Variants in PHLPP2 observed in about 807,000 individuals in gnomAD.
PHLPP2 encodes the protein PH domain and leucine rich repeat protein phosphatase 2.
A neutral mutation model predicts 124.9 loss-of-function variants in PHLPP2; 66 were observed. The observed-to-expected ratio is 0.53, with a 90% CI of 0.43 to 0.65. PHLPP2 has a LOEUF of 0.65. Among genes scored for constraint, PHLPP2 ranks in the 30% least tolerant of loss-of-function variants. PHLPP2 has a pLI of 0.00. For missense variants in PHLPP2, 1,685 were observed against 1,600.4 expected, an observed-to-expected ratio of 1.05 and a Z score of -0.90; for synonymous variants, 681 against 624.7, an observed-to-expected ratio of 1.09 and a Z score of -1.34.
intron 4 of PHLPP2, among the ~76,000 whole-genome samples, chr16:71,689,385 C>CTTTTTTT (rs57755507): frequency 1.6e-5 from 1 of 62,526 alleles, no homozygotes; most frequent in Non-Finnish European, 2.9e-5. Context: ...CTACACCTGG[C>CTTTTTTT]TTTTTTTTTT....
intron 18 of PHLPP2, among the ~76,000 whole-genome samples, chr16:71,651,326 G>A (rs1177536566): frequency 1.2e-4 from 18 of 147,518 alleles, no homozygotes; most frequent in African/African-American, 4.5e-4. Context: ...CAATAAGAAC[G>A]AAATTCTGCC....
At chr16:71,664,284 C>T (rs2044819532) in intron 12 of PHLPP2, 185 bp from the exon 13 acceptor site, 1 of 600,834 alleles carries the variant, frequency 1.7e-6, no homozygotes, top group South Asian at 2.0e-5. Context: ...TTTTACTCAA[C>T]TCATGCAAAC....
In PHLPP2 at chr16:71,709,697, G is replaced by A. The variant is rs113706607; in HGVS notation, c.284+4815C>T. On this transcript the variant is annotated intron_variant, in intron 2 of 18. Coordinates refer to ENST00000568954, the MANE Select transcript of PHLPP2 (RefSeq NM_015020.3). ...AAGACCAATCTATCACCAGCCAGCT[G>A]CAGGAATGTGCATTCAACCTGAACC... Among the ~76,000 whole-genome samples, 517 of 152,326 alleles carry A rather than the reference G, an allele frequency of 3.4e-3. 6 individuals are homozygous for A. Among genetic ancestry groups the A allele is most frequent in the African/African-American group, 0.012 (493 of 41,584 alleles).
At chr16:71,658,205 A>G in intron 15 of PHLPP2, 28 bp downstream of exon 15, 1 of 1,604,108 alleles carries the variant, frequency 6.2e-7, no homozygotes, top group Non-Finnish European at 8.5e-7. Context: ...AAGAGCACAT[A>G]GAGATTCCAT....
intron 2 of PHLPP2, among the ~76,000 whole-genome samples, chr16:71,706,725 A>C (rs1567628237): frequency 6.6e-6 from 1 of 152,172 alleles, no homozygotes; most frequent in Non-Finnish European, 1.5e-5. Flanking sequence ...CACAATTAGT[A>C]CATAATGACA....
intron 4 of PHLPP2, among the ~76,000 whole-genome samples, chr16:71,685,568 T>C (rs1413185653): frequency 1.3e-5 from 2 of 152,228 alleles, no homozygotes; most frequent in Non-Finnish European, 2.9e-5. Context: ...AAAAGATTCA[T>C]TAAAATTAAA....
chr16:71,719,241 A>C (rs895524223), intron 1 of PHLPP2, among the ~76,000 whole-genome samples: 2 of 152,202 alleles, frequency 1.3e-5, no homozygotes, highest in African/African-American at 4.8e-5. Flanking sequence ...TTTTAGATTT[A>C]AAGATCTTTC....
At chr16:71,703,413 C>T (rs1453199704) in intron 2 of PHLPP2, among the ~76,000 whole-genome samples, 1 of 151,900 alleles carries the variant, frequency 6.6e-6, no homozygotes, top group Non-Finnish European at 1.5e-5. Flanking sequence ...TAATTGAAAG[C>T]TAAGGTAAAA....
chr16:71,713,650 T>A (rs888842640), intron 2 of PHLPP2, among the ~76,000 whole-genome samples: 2 of 152,218 alleles, frequency 1.3e-5, no homozygotes, highest in Admixed American at 6.5e-5. Flanking sequence ...AAGTGACAAC[T>A]ATATAAATTT....
intron 4 of PHLPP2, among the ~76,000 whole-genome samples, chr16:71,685,849 T>C (rs2045050389): frequency 6.6e-6 from 1 of 152,252 alleles, no homozygotes; most frequent in Admixed American, 6.5e-5. Context: ...TTAATTTCTG[T>C]ATTACAGATG....
intron 12 of PHLPP2, among the ~76,000 whole-genome samples, chr16:71,665,678 A>G (rs1334916498): frequency 1.3e-5 from 2 of 152,224 alleles, no homozygotes; most frequent in Non-Finnish European, 2.9e-5. Context: ...GTATTAAATA[A>G]ATACCACTGA....
intron 1 of PHLPP2, chr16:71,723,697 T>C: frequency 1.4e-6 from 1 of 690,566 alleles, no homozygotes; most frequent in Non-Finnish European, 2.1e-6. Context: ...GCCTCTAGCC[T>C]CCCTCGTTCC....
intron 18 of PHLPP2, 98 bp from the exon 19 acceptor site, chr16:71,650,142 T>A (rs571921678): frequency 1.2e-6 from 1 of 804,582 alleles, no homozygotes; most frequent in Admixed American, 2.9e-5. Flanking sequence ...AATAAAACAA[T>A]TTATATATGA....
chr16:71,717,303 G>A (rs2045369811), intron 1 of PHLPP2, among the ~76,000 whole-genome samples: 1 of 152,118 alleles, frequency 6.6e-6, no homozygotes, highest in Admixed American at 6.5e-5. Flanking sequence ...AAGTTAGCAG[G>A]TATTTCTATG....
chr16:71,670,353 G>A lies in PHLPP2; in HGVS notation c.1533-983C>T, dbSNP rs576883572. 2.0e-5 allele frequency among the ~76,000 whole-genome samples: 3 copies of A among 152,280 alleles called. No individual in the cohort carries two copies. The South Asian group carries it at 6.2e-4, about 32-fold the overall frequency. On this transcript the variant is annotated intron_variant, in intron 10 of 18. Transcript: ENST00000568954. ...ATCGACCTTTAAAGGGCTAGCTGAG[G>A]AAGAAGGGTATGCAAAAGAAACATG...
Position 71,724,525 on chromosome 16 carries a change from T to C in PHLPP2, c.-203A>G, listed in dbSNP as rs1233027786. 1.3e-5 allele frequency: 2 copies of C among 152,262 alleles called. No homozygotes were observed. The highest frequency in any genetic ancestry group is 2.9e-5 in the Non-Finnish European group (2 of 68,052). 9.4% of individuals were successfully genotyped at this position (152,262 alleles called of 1,614,324 possible). A position where few individuals can be genotyped will look rare whatever the true frequency, so the allele number is the denominator to read the frequency against. ...GCCTGTGACCCGGTTTATGATTTAT[T>C]TGCAAGGCTGATTCAGAAAAAAACT... On this transcript the variant is annotated 5_prime_UTR_variant, in exon 1 of 19. Coordinates refer to ENST00000568954, the MANE Select transcript of PHLPP2 (RefSeq NM_015020.3).
chr16:71,709,414 C>A (rs1164565023), intron 2 of PHLPP2, among the ~76,000 whole-genome samples: 1 of 152,042 alleles, frequency 6.6e-6, no homozygotes, highest in Non-Finnish European at 1.5e-5. Flanking sequence ...ATCTTAGTTT[C>A]TCTTCTCATC....
intron 16 of PHLPP2, among the ~76,000 whole-genome samples, chr16:71,656,183 T>C (rs2044740724): frequency 6.6e-6 from 1 of 152,054 alleles, no homozygotes; most frequent in Non-Finnish European, 1.5e-5. Flanking sequence ...TGGACTTTGG[T>C]TTGGTCACTT....
intron 5 of PHLPP2, among the ~76,000 whole-genome samples, chr16:71,683,046 C>T (rs1264008337): frequency 6.6e-6 from 1 of 152,006 alleles, no homozygotes; most frequent in East Asian, 1.9e-4. Flanking sequence ...TGGCGCACAC[C>T]TGTAATCCCA....
Sources: allele counts gnomAD v4.1 joint callset (sites outside exome capture counted in the v4.1 genomes callset), GRCh38; gene constraint gnomAD v4.1.1; transcripts MANE v1.5; gene names NCBI Gene and HGNC (gene_info 2026-07-23, HGNC 2026-07-21).